The following ATP10A variants were observed in gnomAD, a reference collection of about 807,000 sequenced individuals.
The protein encoded by ATP10A is phospholipid-transporting ATPase VA.
A neutral mutation model predicts 147.8 loss-of-function variants in ATP10A; 111 were observed. The observed-to-expected ratio is 0.75, with a 90% CI of 0.64 to 0.88. The LOEUF is 0.88. Among genes scored for constraint, ATP10A ranks in the 40% least tolerant of loss-of-function variants. The probability of loss-of-function intolerance (pLI) is 0.00; values close to 1 mark genes in which losing one functional copy is unlikely to be tolerated. For synonymous variants in ATP10A, 875 were observed against 841.6 expected (o/e 1.04, Z -0.69); for missense variants, 1,927 against 1,959.0 (o/e 0.98, Z 0.31).
chr15:25,725,900 G>A (rs1259497306), intron 5 of ATP10A, 51 bp downstream of exon 5: 16 of 1,559,482 alleles, frequency 1.0e-5, no homozygotes, highest in South Asian at 5.9e-5. Flanking sequence ...TTACGGGCAC[G>A]AGCCACTGCG....
intron 1 of ATP10A, among the ~76,000 whole-genome samples, chr15:25,782,357 G>A (rs1017639567): frequency 9.2e-5 from 14 of 152,184 alleles, no homozygotes; most frequent in Admixed American, 6.5e-5. Flanking sequence ...GTACCACACC[G>A]TAAGTATCAC....
chr15:25,702,947 G>C (rs1021770051), intron 12 of ATP10A, among the ~76,000 whole-genome samples: 1 of 152,114 alleles, frequency 6.6e-6, no homozygotes, highest in Non-Finnish European at 1.5e-5. Flanking sequence ...AGATCCATAG[G>C]AGGGAGCACT....
In ATP10A at chr15:25,713,883, C is replaced by CAGTT. The variant is rs756650347; in HGVS notation, c.2131_2134dup (p.Cys712Ter). On this transcript the variant is annotated stop_gained and frameshift_variant, in exon 10 of 21. Transcript: ENST00000555815. LOFTEE classifies it high-confidence loss of function. ...GTCGTGCAGCCGCTCCACAAGCACG[C>CAGTT]AGTTGTAGGCTCTGGCCGCATACAC... 2 of 1,613,798 alleles carry CAGTT rather than the reference C, an allele frequency of 1.2e-6. No individual in the cohort carries two copies. Among genetic ancestry groups the CAGTT allele is most frequent in the South Asian group, 2.2e-5 (2 of 91,090 alleles).
intron 1 of ATP10A, among the ~76,000 whole-genome samples, chr15:25,808,166 G>A (rs1567400598): frequency 6.6e-6 from 1 of 152,280 alleles, no homozygotes; most frequent in East Asian, 1.9e-4. Flanking sequence ...GTTCCTCAAG[G>A]TTATTTTCTG....
chr15:25,840,992 G>T (rs8028551), intron 1 of ATP10A, among the ~76,000 whole-genome samples: 95,465 of 152,004 alleles, frequency 0.63, 32,365 homozygotes, highest in East Asian at 0.91. Flanking sequence ...AGGATTCATT[G>T]TTTTGTTAAT....
chr15:25,816,818 C>A (rs1047318575), intron 1 of ATP10A, among the ~76,000 whole-genome samples: 3 of 152,094 alleles, frequency 2.0e-5, no homozygotes, highest in African/African-American at 7.2e-5. Context: ...ATGTATTATT[C>A]TCCTTGTTAG....
At chr15:25,861,847 A>G (rs1394208059) in intron 1 of ATP10A, 2 of 160,074 alleles carry the variant, frequency 1.2e-5, no homozygotes, top group Non-Finnish European at 2.8e-5. Context: ...TGGATCTACC[A>G]AGGGGCTCTC....
rs368595962 is a variant in ATP10A at position 25,746,393 on chromosome 15, C to G, written c.655-10252G>C. ...TGACAGAAACAAAGGAGACATAAAA[C>G]AAATCCACAAACTTGGTAACATTCC... On this transcript the variant is annotated intron_variant, in intron 2 of 20. Coordinates refer to ENST00000555815, the MANE Select transcript of ATP10A (RefSeq NM_024490.4). Among the ~76,000 whole-genome samples the G allele has an allele frequency of 3.0e-4, 45 of 152,158 alleles. No homozygotes were observed. The East Asian group carries it at 7.2e-3, about 24-fold the overall frequency.
chr15:25,694,708 C>T, intron 14 of ATP10A, 111 bp downstream of exon 14: 1 of 1,016,410 alleles, frequency 9.8e-7, no homozygotes, highest in Non-Finnish European at 1.4e-6. Flanking sequence ...TGATTTTACA[C>T]ACAGAAAGAA....
At chr15:25,811,924 C>T (rs936929891) in intron 1 of ATP10A, among the ~76,000 whole-genome samples, 9 of 152,180 alleles carry the variant, frequency 5.9e-5, no homozygotes, top group South Asian at 2.1e-4. Flanking sequence ...CAGAGGAAAC[C>T]GAGGCACACG....
At chr15:25,688,112 T>C in intron 15 of ATP10A, 1 of 425,534 alleles carries the variant, frequency 2.3e-6, no homozygotes, top group South Asian at 2.4e-5. Context: ...GGTTTTCTTT[T>C]TTCCTGCTGT....
chr15:25,718,683 G>A (rs1902010105), intron 7 of ATP10A, among the ~76,000 whole-genome samples: 3 of 152,130 alleles, frequency 2.0e-5, no homozygotes, highest in Admixed American at 1.3e-4. Context: ...ACGGGTTGAC[G>A]TCCAGCCGGT....
intron 6 of ATP10A, 36 bp from the exon 7 acceptor site, chr15:25,721,945 G>A (rs1425408816): frequency 1.9e-6 from 3 of 1,584,560 alleles, no homozygotes; most frequent in South Asian, 2.3e-5. Context: ...GAATGACCGT[G>A]AGGACCAGGG....
intron 6 of ATP10A, among the ~76,000 whole-genome samples, chr15:25,722,566 C>T (rs1384257156): frequency 6.6e-6 from 1 of 152,178 alleles, no homozygotes; most frequent in Non-Finnish European, 1.5e-5. Context: ...TGTTTACAGA[C>T]TCAGAATATC....
At chr15:25,756,275 A>G (rs568784661) in intron 2 of ATP10A, among the ~76,000 whole-genome samples, 1 of 152,310 alleles carries the variant, frequency 6.6e-6, no homozygotes, top group African/African-American at 2.4e-5. Context: ...GTTTGTCTAT[A>G]TGTCTGTATG....
rs139636096 is a variant in ATP10A at position 25,716,763 on chromosome 15, G to A, written c.1743C>T (p.Val581=). Residue 581 remains valine (V), a synonymous_variant, in exon 9 of 21, where the codon GTC becomes GTT. Coordinates refer to ENST00000555815, the MANE Select transcript of ATP10A (RefSeq NM_024490.4). ...FFIALTICNT[V]VVTSPDQPRT... is the part of the protein sequence containing the mutation. ...GTGGCTGATCCGGGGACGTGACGAC[G>A]ACTGTGTTGCAGATGGTGAGTGCGA... The A allele has an allele frequency of 9.4e-6, 15 of 1,601,698 alleles. No homozygotes were observed. Among genetic ancestry groups the A allele is most frequent in the East Asian group, 6.9e-5 (3 of 43,700 alleles).
intron 1 of ATP10A, among the ~76,000 whole-genome samples, chr15:25,859,415 C>G (rs1175457639): frequency 6.6e-6 from 1 of 152,196 alleles, no homozygotes; most frequent in Non-Finnish European, 1.5e-5. Context: ...TTTCTTCCCA[C>G]CCGGGGCTGT....
Position 25,708,077 on chromosome 15 carries a change from C to A in ATP10A, c.2474G>T (p.Cys825Phe). 3.1e-6 allele frequency: 5 copies of A among 1,614,156 alleles called. No homozygotes were observed. Among genetic ancestry groups the A allele is most frequent in the Non-Finnish European group, 4.2e-6 (5 of 1,180,036 alleles). The change falls in exon 12 of 21, where the codon TGC becomes TTC. Residue 825 changes from cysteine (C) to phenylalanine (F), a missense_variant. Cys to Phe is a radical substitution (Grantham distance 205). Transcript: ENST00000555815. ...GGCTTCTAGGTGGCTTTGCAACCAG[C>A]AGGCATACTCTTCTTTACTCAGAAC... ...KRVLSKEEYA[C>F]WLQSHLEAES... is the part of the protein sequence containing the mutation.
chr15:25,853,667 G>A (rs892010075), intron 1 of ATP10A, among the ~76,000 whole-genome samples: 1 of 152,058 alleles, frequency 6.6e-6, no homozygotes, highest in Non-Finnish European at 1.5e-5. Flanking sequence ...CAGGAAGGAT[G>A]GAACCTGAGA....
Sources: allele counts gnomAD v4.1 joint callset (sites outside exome capture counted in the v4.1 genomes callset), GRCh38; gene constraint gnomAD v4.1.1; transcripts MANE v1.5; gene names NCBI Gene and HGNC (gene_info 2026-07-23, HGNC 2026-07-21).